The following VDR variants were observed in gnomAD, a reference collection of about 807,000 sequenced individuals.
The protein encoded by VDR is vitamin D3 receptor.
VDR carries 19 observed loss-of-function variants against 39.7 expected under a neutral mutation model. The observed-to-expected ratio is 0.48, with a 90% CI of 0.33 to 0.70. The LOEUF (loss-of-function observed/expected upper bound fraction) is 0.70. Ranked by LOEUF, VDR falls within the 30% of genes least tolerant of loss-of-function variation. The probability of loss-of-function intolerance (pLI) is 0.02; values close to 1 mark genes in which losing one functional copy is unlikely to be tolerated. For missense variants in VDR, 442 were observed against 570.5 expected (o/e 0.77, Z 2.29); for synonymous variants, 242 against 215.8 (o/e 1.12, Z -1.07).
intron 1 of VDR, among the ~76,000 whole-genome samples, chr12:47,885,748 G>C (rs917167389): frequency 2.0e-5 from 3 of 152,206 alleles, no homozygotes; most frequent in Admixed American, 1.3e-4. Context: ...CCAGGCTAGA[G>C]TGCAGTTGCA....
intron 1 of VDR, among the ~76,000 whole-genome samples, chr12:47,890,269 CAT>C (rs1946342687): frequency 6.6e-6 from 1 of 150,888 alleles, no homozygotes; most frequent in Admixed American, 6.6e-5. Flanking sequence ...CTGACGACCA[CAT>C]GAGGGACTAT....
chr12:47,857,773 A>AGATAG, intron 4 of VDR, 85 bp from the exon 5 acceptor site: 1 of 1,481,602 alleles, frequency 6.7e-7, no homozygotes, highest in Non-Finnish European at 9.2e-7. Flanking sequence ...TAAAGGTCCA[A>AGATAG]GATAGGAGGG....
chr12:47,873,136 T>C (rs982981058), intron 3 of VDR, among the ~76,000 whole-genome samples: 18 of 152,114 alleles, frequency 1.2e-4, no homozygotes, highest in African/African-American at 3.9e-4. Flanking sequence ...GATTGGATCA[T>C]GGGGACAGAT....
At chr12:47,884,021 G>A (rs1334020406) in intron 1 of VDR, among the ~76,000 whole-genome samples, 1 of 152,174 alleles carries the variant, frequency 6.6e-6, no homozygotes, top group Non-Finnish European at 1.5e-5. Context: ...CCCAACCCAG[G>A]CCCTCCTTTG....
intron 1 of VDR, among the ~76,000 whole-genome samples, chr12:47,890,053 A>T (rs545604281): frequency 2.0e-5 from 3 of 152,018 alleles, no homozygotes; most frequent in African/African-American, 4.8e-5. Flanking sequence ...GTTATGCTCA[A>T]ATGAACACTG....
intron 1 of VDR, among the ~76,000 whole-genome samples, chr12:47,886,788 A>C (rs1266704838): frequency 6.6e-6 from 1 of 152,222 alleles, no homozygotes; most frequent in Non-Finnish European, 1.5e-5. Context: ...CCCATGCTTG[A>C]ATAATTTTCC....
intron 2 of VDR, among the ~76,000 whole-genome samples, chr12:47,880,144 A>T (rs1946116081): frequency 6.6e-6 from 1 of 152,152 alleles, no homozygotes; most frequent in African/African-American, 2.4e-5. Flanking sequence ...CAAAAGGGTC[A>T]TTACAGGTTT....
At chr12:47,873,366 T>TTTTTTTTC (rs1945927725) in intron 3 of VDR, among the ~76,000 whole-genome samples, 1 of 122,780 alleles carries the variant, frequency 8.1e-6, no homozygotes, top group Non-Finnish European at 1.8e-5. Context: ...TTTTTTTTTT[T>TTTTTTTTC]TTTTTTTTTT....
At chr12:47,855,143 C>T (rs1027591939) in intron 7 of VDR, among the ~76,000 whole-genome samples, 11 of 152,204 alleles carry the variant, frequency 7.2e-5, no homozygotes, top group Non-Finnish European at 1.5e-4. Flanking sequence ...GCCTGGCCAA[C>T]GTGGTGAAAC....
intron 3 of VDR, among the ~76,000 whole-genome samples, chr12:47,875,653 A>G (rs1945985038): frequency 6.6e-6 from 1 of 152,224 alleles, no homozygotes; most frequent in Non-Finnish European, 1.5e-5. Context: ...GCTGATTCTC[A>G]TTATTCATGG....
intron 3 of VDR, among the ~76,000 whole-genome samples, chr12:47,870,423 C>T (rs1016891513): frequency 1.3e-5 from 2 of 152,166 alleles, no homozygotes; most frequent in Non-Finnish European, 2.9e-5. Flanking sequence ...GCTCTCTGAG[C>T]CTGGACCCTG....
intron 2 of VDR, 71 bp downstream of exon 2, chr12:47,882,623 G>GCCCCGGGGCCCCCC: frequency 1.8e-6 from 1 of 543,282 alleles, no homozygotes; most frequent in Non-Finnish European, 3.2e-6. Context: ...ACCTTCTTAT[G>GCCCCGGGGCCCCCC]CCCCTCCCCC....
At chr12:47,868,765 CTTT>C (rs5798048) in intron 3 of VDR, among the ~76,000 whole-genome samples, 5 of 144,258 alleles carry the variant, frequency 3.5e-5, no homozygotes, top group Admixed American at 6.8e-5. Flanking sequence ...CTCTCATTTC[CTTT>C]TTTTTTTTTT....
intron 7 of VDR, among the ~76,000 whole-genome samples, chr12:47,852,155 C>T (rs1311415423): frequency 6.6e-6 from 1 of 152,138 alleles, no homozygotes; most frequent in African/African-American, 2.4e-5. Context: ...GGCAGCTTTC[C>T]CGTGTATGCA....
At chr12:47,859,592 C>T (rs865780509) in intron 4 of VDR, among the ~76,000 whole-genome samples, 1 of 152,200 alleles carries the variant, frequency 6.6e-6, no homozygotes, top group South Asian at 2.1e-4. Context: ...TTCTTGATTG[C>T]CCTGATCTGC....
intron 1 of VDR, among the ~76,000 whole-genome samples, chr12:47,892,051 G>C (rs1946380839): frequency 6.6e-6 from 1 of 152,246 alleles, no homozygotes; most frequent in South Asian, 2.1e-4. Flanking sequence ...CTAGACATGG[G>C]GTGGGCTCTG....
At chr12:47,903,413 C>T (rs1376238019) in intron 1 of VDR, among the ~76,000 whole-genome samples, 5 of 152,230 alleles carry the variant, frequency 3.3e-5, no homozygotes, top group Non-Finnish European at 7.3e-5. Context: ...GCACCCAAAA[C>T]AAAAGCCAGG....
intron 1 of VDR, among the ~76,000 whole-genome samples, chr12:47,902,937 G>T (rs923046462): frequency 6.6e-6 from 1 of 152,162 alleles, no homozygotes; most frequent in African/African-American, 2.4e-5. Context: ...GGTTCAGGAG[G>T]TCCTCTCGGA....
intron 7 of VDR, among the ~76,000 whole-genome samples, chr12:47,848,665 C>A (rs1945327560): frequency 7.2e-6 from 1 of 138,744 alleles, no homozygotes; most frequent in Admixed American, 8.2e-5. Context: ...CTCCCAGGTT[C>A]AAGCAATTCT....
Sources: gnomAD v4.1 joint callset for allele counts (sites outside exome capture counted in the v4.1 genomes callset) on GRCh38, gnomAD v4.1.1 for gene constraint, MANE v1.5 for transcripts, NCBI Gene and HGNC (gene_info 2026-07-23, HGNC 2026-07-21) for gene names.